Variants in MSR1 observed in about 807,000 individuals in gnomAD.
MSR1 encodes macrophage scavenger receptor types I and II.
In MSR1, 53 loss-of-function variants were observed where a neutral mutation model predicts 47.2. That is an observed-to-expected ratio of 1.12 (90% CI 0.90 to 1.41). The LOEUF is 1.41. MSR1 is among the 40% of genes most tolerant of loss of function. The pLI, the probability that MSR1 is intolerant of heterozygous loss-of-function variation, is 0.00. For missense variants in MSR1, 786 were observed against 546.9 expected, an observed-to-expected ratio of 1.44 and a Z score of -4.36; for synonymous variants, 239 against 185.6, an observed-to-expected ratio of 1.29 and a Z score of -2.34.
intron 9 of MSR1, among the ~76,000 whole-genome samples, chr8:16,118,034 A>C (rs1799917241): frequency 6.6e-6 from 1 of 152,182 alleles, no homozygotes; most frequent in African/African-American, 2.4e-5. Flanking sequence ...TCTTAAAGAA[A>C]CAATGCTAAA....
chr8:16,185,856 A>AAC (rs1801982128), intron 1 of MSR1, among the ~76,000 whole-genome samples: 1 of 151,880 alleles, frequency 6.6e-6, no homozygotes, highest in Admixed American at 6.6e-5. Context: ...GAAAAAAAAA[A>AAC]AAAAACACCA....
chr8:16,136,332 C>T (rs899268462), intron 8 of MSR1, among the ~76,000 whole-genome samples: 1 of 152,026 alleles, frequency 6.6e-6, no homozygotes, highest in Non-Finnish European at 1.5e-5. Context: ...AGACCCTCCA[C>T]CAGAAAAAGA....
intron 3 of MSR1, 38 bp from the exon 4 acceptor site, chr8:16,168,908 A>G: frequency 6.3e-7 from 1 of 1,582,138 alleles, no homozygotes. Context: ...TCATGGCCTG[A>G]TCCTTGAATG....
At chr8:16,130,715 T>C (rs1047700950) in intron 8 of MSR1, among the ~76,000 whole-genome samples, 3 of 152,030 alleles carry the variant, frequency 2.0e-5, no homozygotes, top group Admixed American at 6.6e-5. Flanking sequence ...TCCCCACTTA[T>C]AGGTGAGAAC....
In MSR1 at chr8:16,135,893, G is replaced by A. The variant is rs78632860; in HGVS notation, c.1033+7665C>T. 5.2e-3 allele frequency among the ~76,000 whole-genome samples: 796 copies of A among 152,224 alleles called. 5 individuals are homozygous for A. Among genetic ancestry groups the A allele is most frequent in the African/African-American group, 0.018 (764 of 41,550 alleles). Reference sequence around the variant, plus strand: ...AGATGTGGTATAAATAATAAGAGAAGTGGAGAACTAGAATTAGAAGTGGAG... The same window carrying A: ...AGATGTGGTATAAATAATAAGAGAAATGGAGAACTAGAATTAGAAGTGGAG... On this transcript the variant is annotated intron_variant, in intron 8 of 9. Transcript: ENST00000262101.
intron 9 of MSR1, 125 bp from the exon 10 acceptor site, chr8:16,110,343 T>C: frequency 9.4e-7 from 1 of 1,064,774 alleles, no homozygotes; most frequent in Non-Finnish European, 1.4e-6. Flanking sequence ...TGTATGCAAG[T>C]TCTGTGCTCT....
intron 8 of MSR1, chr8:16,120,886 G>T: frequency 2.3e-6 from 1 of 436,864 alleles, no homozygotes; most frequent in Non-Finnish European, 4.1e-6. Flanking sequence ...ATATTCCAAC[G>T]AGTTTGAATT....
At chr8:16,165,594 A>G (rs1801281962) in intron 4 of MSR1, among the ~76,000 whole-genome samples, 2 of 152,040 alleles carry the variant, frequency 1.3e-5, no homozygotes, top group Admixed American at 1.3e-4. Context: ...CCTATGTTCT[A>G]AAGTTGATAG....
chr8:16,148,173 T>A (rs1800750937), intron 7 of MSR1, among the ~76,000 whole-genome samples: 2 of 152,178 alleles, frequency 1.3e-5, no homozygotes, highest in South Asian at 4.1e-4. Context: ...CATACAGCAA[T>A]TTGTCCAACC....
intron 8 of MSR1, among the ~76,000 whole-genome samples, chr8:16,137,434 C>T (rs566449149): frequency 1.5e-5 from 2 of 132,962 alleles, no homozygotes; most frequent in East Asian, 4.4e-4. Context: ...TTCTGCCTTT[C>T]TCTCTCTCTA....
intron 9 of MSR1, among the ~76,000 whole-genome samples, chr8:16,120,134 T>C (rs1799963519): frequency 6.6e-6 from 1 of 151,884 alleles, no homozygotes; most frequent in Admixed American, 6.6e-5. Context: ...TCCCAGCACT[T>C]TAGGTTGGCG....
intron 4 of MSR1, among the ~76,000 whole-genome samples, chr8:16,165,743 T>G (rs376309521): frequency 6.6e-6 from 1 of 152,034 alleles, no homozygotes; most frequent in Non-Finnish European, 1.5e-5. Flanking sequence ...ATGGTCAGAG[T>G]GTAGGACCTT....
intron 5 of MSR1, among the ~76,000 whole-genome samples, chr8:16,159,674 A>G (rs1018604503): frequency 6.6e-6 from 1 of 151,950 alleles, no homozygotes; most frequent in Non-Finnish European, 1.5e-5. Flanking sequence ...TTCTAATGGA[A>G]GTAGCTTGTG....
chr8:16,168,058 G>T (rs932495941), intron 4 of MSR1, among the ~76,000 whole-genome samples: 2 of 151,044 alleles, frequency 1.3e-5, no homozygotes, highest in African/African-American at 4.9e-5. Flanking sequence ...AGTTCTGAGT[G>T]AAACTTACAA....
Position 16,168,645 on chromosome 8 carries a change from G to C in MSR1, c.443C>G (p.Thr148Ser). Reference protein sequence around the residue: ...TEHFQNFSMTTDQRFNDILLQ... With the variant: ...TEHFQNFSMTSDQRFNDILLQ... The stretch of plus-strand genomic sequence containing the variant: ...AAGAATGTCATTAAATCTTTGATCA[G>C]TTGTCATGCTGAAATTTTGGAAATG... Residue 148 changes from threonine to serine, a missense_variant, in exon 4 of 10, where the codon ACT becomes AGT. Transcript: ENST00000262101. 6.2e-7 allele frequency: 1 copy of C among 1,614,114 alleles called. No individual in the cohort carries two copies. Among genetic ancestry groups the C allele is most frequent in the Non-Finnish European group, 8.5e-7 (1 of 1,179,990 alleles).
chr8:16,114,352 T>C (rs964642459), intron 9 of MSR1, among the ~76,000 whole-genome samples: 2 of 152,188 alleles, frequency 1.3e-5, no homozygotes, highest in Non-Finnish European at 2.9e-5. Flanking sequence ...TATATTACTT[T>C]TGTTTCTCTT....
intron 8 of MSR1, among the ~76,000 whole-genome samples, chr8:16,136,391 A>T (rs1198343638): frequency 2.6e-5 from 4 of 152,148 alleles, no homozygotes; most frequent in Admixed American, 1.3e-4. Flanking sequence ...TTTAGCAATA[A>T]AGTATTTTAA....
chr8:16,137,588 G>C (rs927895476), intron 8 of MSR1, among the ~76,000 whole-genome samples: 2 of 152,112 alleles, frequency 1.3e-5, no homozygotes, highest in Non-Finnish European at 2.9e-5. Flanking sequence ...ACCTGGCTTT[G>C]AGTTTCTGTT....
At chr8:16,150,363 C>A in intron 6 of MSR1, 52 bp from the exon 7 acceptor site, 1 of 1,059,366 alleles carries the variant, frequency 9.4e-7, no homozygotes, top group Non-Finnish European at 1.4e-6. Flanking sequence ...TTCATACAGA[C>A]TTGAGAGTAT....
Sources: gnomAD v4.1 joint callset for allele counts (sites outside exome capture counted in the v4.1 genomes callset) on GRCh38, gnomAD v4.1.1 for gene constraint, MANE v1.5 for transcripts, NCBI Gene and HGNC (gene_info 2026-07-23, HGNC 2026-07-21) for gene names.